COL27A1: variants seen among roughly 807,000 people sequenced by gnomAD.
COL27A1 encodes the protein collagen alpha-1(XXVII) chain.
In COL27A1, 106 loss-of-function variants were observed where a neutral mutation model predicts 251.3. The ratio of observed to expected loss-of-function variants is 0.42; its 90% CI spans 0.36 to 0.50. The LOEUF is 0.50. Ranked by LOEUF, COL27A1 falls within the 20% of genes least tolerant of loss-of-function variation. The pLI, the probability that COL27A1 is intolerant of heterozygous loss-of-function variation, is 0.00. For missense variants in COL27A1, 2,325 were observed against 2,522.8 expected (o/e 0.92, Z 1.68); for synonymous variants, 1,000 against 986.3 (o/e 1.01, Z -0.26).
intron 17 of COL27A1, among the ~76,000 whole-genome samples, chr9:114,236,499 T>C (rs1832410265): frequency 6.6e-6 from 1 of 152,220 alleles, no homozygotes; most frequent in Non-Finnish European, 1.5e-5. Flanking sequence ...GGCTCCCCTT[T>C]GCCTGTGTCC....
At chr9:114,302,049 G>A in intron 55 of COL27A1, 33 bp from the exon 56 acceptor site, 1 of 1,603,472 alleles carries the variant, frequency 6.2e-7, no homozygotes, top group Non-Finnish European at 8.5e-7. Context: ...CACTGTCCCT[G>A]TCATTTGACT....
At chr9:114,303,390 C>A (rs992451684) in intron 56 of COL27A1, among the ~76,000 whole-genome samples, 3 of 152,000 alleles carry the variant, frequency 2.0e-5, no homozygotes, top group South Asian at 2.1e-4. Context: ...AGGCGCGAAC[C>A]ACCACGCACA....
chr9:114,156,180 G>A (rs982620840), intron 1 of COL27A1, among the ~76,000 whole-genome samples, 168 bp downstream of exon 1: 1 of 151,828 alleles, frequency 6.6e-6, no homozygotes, highest in East Asian at 2.0e-4. Flanking sequence ...CTGCGCCCCC[G>A]GCCGGGCGAG....
intron 12 of COL27A1, among the ~76,000 whole-genome samples, chr9:114,211,857 G>A (rs1339498041): frequency 1.3e-5 from 2 of 152,010 alleles, no homozygotes; most frequent in Non-Finnish European, 2.9e-5. Context: ...GAGGCAGAAT[G>A]AGATACCAGG....
intron 27 of COL27A1, among the ~76,000 whole-genome samples, chr9:114,253,312 A>AAAGG: frequency 6.7e-6 from 1 of 150,052 alleles, no homozygotes; most frequent in Non-Finnish European, 1.5e-5. Flanking sequence ...AGAAAGAAAG[A>AAAGG]AAGAAAGAGA....
rs558600044 is a variant in COL27A1 at position 114,191,113 on chromosome 9, C to T, written c.2017-3291C>T. On this transcript the variant is annotated intron_variant, in intron 5 of 60. Transcript: ENST00000356083. ...TGTAACTCCCTTCAAGGATTTACCT[C>T]CGTCTAGGTGAAGTTCTCTCCAACT... Among the ~76,000 whole-genome samples the T allele has an allele frequency of 2.0e-5, 3 of 152,262 alleles. No individual in the cohort carries two copies. In the East Asian group the frequency reaches 5.8e-4, roughly 29 times the overall value.
intron 4 of COL27A1, among the ~76,000 whole-genome samples, chr9:114,179,468 G>A (rs1320569405): frequency 6.6e-6 from 1 of 152,216 alleles, no homozygotes; most frequent in Admixed American, 6.5e-5. Flanking sequence ...AGCCTCTGCG[G>A]TTTTGCTCTG....
intron 3 of COL27A1, among the ~76,000 whole-genome samples, chr9:114,177,360 G>T (rs975432845): frequency 6.6e-6 from 1 of 152,200 alleles, no homozygotes; most frequent in African/African-American, 2.4e-5. Context: ...TGTGGGAAAT[G>T]GGGAGCCCTT....
At chr9:114,181,520 C>T (rs896287509) in intron 4 of COL27A1, among the ~76,000 whole-genome samples, 11 of 152,140 alleles carry the variant, frequency 7.2e-5, no homozygotes, top group Non-Finnish European at 1.3e-4. Flanking sequence ...TCAAGAGGGA[C>T]GGGGAAGAGG....
intron 2 of COL27A1, among the ~76,000 whole-genome samples, chr9:114,164,939 G>A (rs1221406689): frequency 6.6e-6 from 1 of 152,158 alleles, no homozygotes; most frequent in African/African-American, 2.4e-5. Context: ...GCAACACAGA[G>A]CTATAGAATT....
chr9:114,205,058 G>C, intron 7 of COL27A1, 44 bp from the exon 8 acceptor site: 2 of 1,601,076 alleles, frequency 1.2e-6, no homozygotes, highest in Non-Finnish European at 1.7e-6. Context: ...TCCAGGACCA[G>C]ATGTGTCCTC....
At chr9:114,198,710 A>G (rs1468765450) in intron 7 of COL27A1, among the ~76,000 whole-genome samples, 1 of 152,060 alleles carries the variant, frequency 6.6e-6, no homozygotes, top group Admixed American at 6.6e-5. Context: ...CCTGCCCGAG[A>G]AGGTTTGTTT....
At chr9:114,255,407 A>G (rs1833856504) in intron 27 of COL27A1, among the ~76,000 whole-genome samples, 2 of 152,134 alleles carry the variant, frequency 1.3e-5, no homozygotes, top group African/African-American at 4.8e-5. Context: ...ATCGAGTTCT[A>G]TCCCTGGCAC....
chr9:114,229,763 T>C (rs1831800488), intron 14 of COL27A1, among the ~76,000 whole-genome samples: 1 of 152,106 alleles, frequency 6.6e-6, no homozygotes, highest in Non-Finnish European at 1.5e-5. Context: ...GAGGGAGTGA[T>C]GGAGTGGGCA....
At chr9:114,293,977 G>A (rs563968142) in intron 49 of COL27A1, among the ~76,000 whole-genome samples, 114 of 151,986 alleles carry the variant, frequency 7.5e-4, no homozygotes, top group African/African-American at 2.7e-3. Context: ...GGTGGCTTAC[G>A]CCTGTAATCC....
rs556668191 is a variant in COL27A1 at position 114,312,294 on chromosome 9, C to G, written c.*1599C>G. 1 of 152,310 alleles carries G rather than the reference C, an allele frequency of 6.6e-6. No individual in the cohort carries two copies. Among genetic ancestry groups the G allele is most frequent in the South Asian group, 2.1e-4 (1 of 4,826 alleles). 9.4% of individuals were successfully genotyped at this position (152,310 alleles called of 1,614,324 possible). On this transcript the variant is annotated 3_prime_UTR_variant, in exon 61 of 61. Transcript: ENST00000356083. ...GCCCTGCCGCCCCAGCCTGGACGCT[C>G]TGCGTGGAAGTGCGTGTTTGTAGCA...
chr9:114,240,849 G>A (rs969532724), intron 21 of COL27A1, among the ~76,000 whole-genome samples: 9 of 152,188 alleles, frequency 5.9e-5, no homozygotes, highest in Non-Finnish European at 1.2e-4. Flanking sequence ...TACAGATGAG[G>A]CCACTGAGGC....
At chr9:114,265,004 GC>G (rs1834634897) in intron 30 of COL27A1, 36 bp downstream of exon 30, 2 of 1,612,184 alleles carry the variant, frequency 1.2e-6, no homozygotes. Context: ...CCAGCTGCAG[GC>G]CCCCTCCCTG....
chr9:114,266,439 G>A (rs1834745975), intron 32 of COL27A1, 126 bp from the exon 33 acceptor site: 1 of 679,672 alleles, frequency 1.5e-6, no homozygotes, highest in Non-Finnish European at 2.5e-6. Context: ...GTGTGGCTGG[G>A]GCGGACTAGG....
Sources: gnomAD v4.1 joint callset for allele counts (sites outside exome capture counted in the v4.1 genomes callset) on GRCh38, gnomAD v4.1.1 for gene constraint, MANE v1.5 for transcripts, NCBI Gene and HGNC (gene_info 2026-07-23, HGNC 2026-07-21) for gene names.